The following FBXO9 variants were observed in gnomAD, a reference collection of about 807,000 sequenced individuals.
FBXO9 encodes the protein F-box protein 9, also known as F-box only protein 9.
A neutral mutation model predicts 63.7 loss-of-function variants in FBXO9; 43 were observed. The observed-to-expected ratio is 0.67, with a 90% CI of 0.53 to 0.87. The LOEUF (loss-of-function observed/expected upper bound fraction) is 0.87, where lower values mean the gene tolerates loss of function less well. FBXO9 is among the 40% of genes least tolerant of loss of function. The probability of loss-of-function intolerance (pLI) is 0.00; values close to 1 mark genes in which losing one functional copy is unlikely to be tolerated. For synonymous variants in FBXO9, 156 were observed against 171.7 expected, an observed-to-expected ratio of 0.91 and a Z score of 0.72; for missense variants, 442 against 533.2, an observed-to-expected ratio of 0.83 and a Z score of 1.68.
chr6:53,094,640 A>G (rs1763152716), intron 11 of FBXO9: 2 of 236,292 alleles, frequency 8.5e-6, no homozygotes, highest in South Asian at 7.9e-5. Flanking sequence ...ACAGCTTTTG[A>G]AGGATATTTC....
intron 1 of FBXO9, 113 bp from the exon 2 acceptor site, chr6:53,070,944 C>T (rs1426385263): frequency 2.0e-6 from 3 of 1,484,510 alleles, no homozygotes; most frequent in East Asian, 5.0e-5. Flanking sequence ...GTGGGTTCCA[C>T]AAAGTGTTGA....
intron 2 of FBXO9, among the ~76,000 whole-genome samples, chr6:53,072,402 A>G (rs1296210815): frequency 6.6e-6 from 1 of 152,140 alleles, no homozygotes; most frequent in Non-Finnish European, 1.5e-5. Flanking sequence ...GAGGGAAACA[A>G]ATGGGCAGGG....
intron 1 of FBXO9, 163 bp downstream of exon 1, chr6:53,065,955 G>C: frequency 8.6e-7 from 1 of 1,161,764 alleles, no homozygotes. Flanking sequence ...AGTGCGTCGG[G>C]GGGCGGGGGG....
chr6:53,078,497 C>A (rs990268204), intron 4 of FBXO9, among the ~76,000 whole-genome samples: 1 of 152,056 alleles, frequency 6.6e-6, no homozygotes, highest in Non-Finnish European at 1.5e-5. Flanking sequence ...ATAGCAATTG[C>A]ATCTTCAGAG....
chr6:53,071,978 G>A (rs1404709951), intron 2 of FBXO9, among the ~76,000 whole-genome samples: 1 of 152,048 alleles, frequency 6.6e-6, no homozygotes, highest in African/African-American at 2.4e-5. Flanking sequence ...CCATTTAAAA[G>A]GATGAAGTAA....
chr6:53,075,904 C>T (rs975041550), intron 3 of FBXO9, among the ~76,000 whole-genome samples: 4 of 151,418 alleles, frequency 2.6e-5, no homozygotes, highest in African/African-American at 7.3e-5. Flanking sequence ...CCACCACAAC[C>T]GGCTAATTTT....
chr6:53,071,252 T>G, intron 2 of FBXO9, 109 bp downstream of exon 2: 1 of 1,061,404 alleles, frequency 9.4e-7, no homozygotes, highest in East Asian at 2.6e-5. Flanking sequence ...TGCATGGAAT[T>G]TAACTGTTTC....
intron 2 of FBXO9, among the ~76,000 whole-genome samples, chr6:53,072,518 G>A (rs1011742787): frequency 5.3e-5 from 8 of 152,192 alleles, no homozygotes; most frequent in African/African-American, 1.7e-4. Context: ...AAAGAGCCAA[G>A]ACTTTATTAG....
rs150291905 is a variant in FBXO9 at position 53,092,989 on chromosome 6, T to C, written c.863+165T>C. 1.6e-3 allele frequency: 755 copies of C among 458,366 alleles called. 9 individuals carry two copies. Among genetic ancestry groups the C allele is most frequent in the African/African-American group, 7.2e-3 (357 of 49,624 alleles). 28.4% of individuals were successfully genotyped at this position (458,366 alleles called of 1,614,324 possible). ...CACTAAAAAAAAAAATAGGCTAATA[T>C]AAATTACAGAATTTCTTCTGGCCTC... On this transcript the variant is annotated intron_variant, in intron 9 of 12. Transcript: ENST00000323557.
intron 6 of FBXO9, 77 bp downstream of exon 6, chr6:53,081,175 A>G: frequency 7.0e-7 from 1 of 1,433,898 alleles, no homozygotes; most frequent in Non-Finnish European, 9.5e-7. Context: ...AGGTCAGATA[A>G]TTTGCCAGAT....
chr6:53,094,835 T>C (rs372506675), intron 11 of FBXO9: 2 of 396,578 alleles, frequency 5.0e-6, no homozygotes, highest in South Asian at 1.8e-5. Flanking sequence ...ACTGCAGGTT[T>C]CCTGAGGTCA....
rs987422960 is a variant in FBXO9, at chr6:53,073,468, G to C, written c.91-13G>C. 1.2e-6 allele frequency: 2 copies of C among 1,611,858 alleles called. No homozygotes were observed. The highest frequency in any genetic ancestry group is 1.7e-6 in the Non-Finnish European group (2 of 1,178,868). On this transcript the variant is annotated splice_polypyrimidine_tract_variant and intron_variant, in intron 2 of 12. Coordinates refer to ENST00000323557, the MANE Select transcript of FBXO9 (RefSeq NM_033480.3). ...CTTCCTTGATGAGTCCTAAAATGCTGTTCTCCCCATAGGCACAACTCCAGA... is the reference window on the plus strand; with the variant it reads ...CTTCCTTGATGAGTCCTAAAATGCTCTTCTCCCCATAGGCACAACTCCAGA...
intron 1 of FBXO9, chr6:53,067,942 A>G (rs995070284): frequency 6.6e-6 from 1 of 152,110 alleles, no homozygotes; most frequent in Non-Finnish European, 1.5e-5. Context: ...TTTACCATAT[A>G]CTAACTGGTT....
At chr6:53,087,161 A>T (rs1189201262) in intron 7 of FBXO9, among the ~76,000 whole-genome samples, 2 of 151,922 alleles carry the variant, frequency 1.3e-5, no homozygotes, top group African/African-American at 4.8e-5. Flanking sequence ...GAGCAACATG[A>T]CGAAACCCCG....
chr6:53,089,815 A>G (rs6934543), intron 7 of FBXO9, among the ~76,000 whole-genome samples: 315 of 152,352 alleles, frequency 2.1e-3, no homozygotes, highest in African/African-American at 7.3e-3. Flanking sequence ...ACCAGGGCAG[A>G]AAAGGCAAGC....
chr6:53,069,639 A>G (rs1768838862), intron 1 of FBXO9, among the ~76,000 whole-genome samples: 1 of 152,248 alleles, frequency 6.6e-6, no homozygotes, highest in Non-Finnish European at 1.5e-5. Context: ...CCTCAGCAAA[A>G]TCTAGCTTCT....
chr6:53,073,937 GTC>G (rs1383156299), intron 3 of FBXO9, among the ~76,000 whole-genome samples: 1 of 151,944 alleles, frequency 6.6e-6, no homozygotes, highest in African/African-American at 2.4e-5. Context: ...AAAGATTGGT[GTC>G]TCTGAATTTA....
chr6:53,090,067 A>C (rs1488039735), intron 7 of FBXO9, among the ~76,000 whole-genome samples: 1 of 152,260 alleles, frequency 6.6e-6, no homozygotes, highest in Non-Finnish European at 1.5e-5. Flanking sequence ...GGAAAAAATG[A>C]GGATTACATA....
At chr6:53,071,220 G>T in intron 2 of FBXO9, 77 bp downstream of exon 2, 1 of 1,345,550 alleles carries the variant, frequency 7.4e-7, no homozygotes. Context: ...ATAATCATGG[G>T]TATTTGTAGG....
Sources: gnomAD v4.1 joint callset for allele counts (sites outside exome capture counted in the v4.1 genomes callset) on GRCh38, gnomAD v4.1.1 for gene constraint, MANE v1.5 for transcripts, NCBI Gene and HGNC (gene_info 2026-07-23, HGNC 2026-07-21) for gene names.